The following GIT2 variants were observed in gnomAD, a reference collection of about 807,000 sequenced individuals.
GIT2 encodes ARF GTPase-activating protein GIT2.
A neutral mutation model predicts 100.3 loss-of-function variants in GIT2; 32 were observed. The observed-to-expected ratio is 0.32, with a 90% CI of 0.24 to 0.43. The LOEUF is 0.43. Among genes scored for constraint, GIT2 ranks in the 20% least tolerant of loss-of-function variants. GIT2 has a pLI of 1.00. For missense variants in GIT2, 737 were observed against 975.1 expected (o/e 0.76, Z 3.25); for synonymous variants, 353 against 364.1 (o/e 0.97, Z 0.35).
At chr12:109,935,442 G>A (rs1376931223) in intron 18 of GIT2, among the ~76,000 whole-genome samples, 1 of 152,194 alleles carries the variant, frequency 6.6e-6, no homozygotes, top group Non-Finnish European at 1.5e-5. Context: ...CTGGAGTGCA[G>A]TGGTGCAATC....
intron 14 of GIT2, chr12:109,950,931 GGGCACAAATGCTTAAATAGAT>G (rs1877668224): frequency 2.0e-6 from 1 of 509,272 alleles, no homozygotes; most frequent in African/African-American, 1.9e-5. Flanking sequence ...TTATTCTAAT[GGGCACAAATGCTTAAATAGAT>G]GTTAGGTTTC....
At position 109,931,146 on chromosome 12, in the gene GIT2, G is replaced by C. The variant is rs920989377; in HGVS notation, c.*1832C>G. 6.6e-6 allele frequency: 1 copy of C among 152,254 alleles called. No homozygotes were observed. The highest frequency in any genetic ancestry group is 1.5e-5 in the Non-Finnish European group (1 of 68,056). 9.4% of individuals were successfully genotyped at this position (152,254 alleles called of 1,614,324 possible). A position where few individuals can be genotyped will look rare whatever the true frequency, so the allele number is the denominator to read the frequency against. On this transcript the variant is annotated 3_prime_UTR_variant, in exon 20 of 20. Transcript: ENST00000355312. Reference sequence around the variant, plus strand: ...TGGTCAAGCTATAAAGGTGTGCATCGATCAGTCCTGTGAAAATAGAAGCTT... The same window carrying C: ...TGGTCAAGCTATAAAGGTGTGCATCCATCAGTCCTGTGAAAATAGAAGCTT...
rs1289318385 is a variant in GIT2 at position 109,934,669 on chromosome 12, G to A, written c.2004-584C>T. Among the ~76,000 whole-genome samples the A allele has an allele frequency of 3.3e-5, 5 of 152,136 alleles. No homozygotes were observed. Among genetic ancestry groups the A allele is most frequent in the African/African-American group, 4.8e-5 (2 of 41,420 alleles). ...TGCTGGGGTTACAGGTGTGAGCCACGGTGTCCAGCCCTTTCCCCATTTTTT... is the reference window on the plus strand; with the variant it reads ...TGCTGGGGTTACAGGTGTGAGCCACAGTGTCCAGCCCTTTCCCCATTTTTT... On this transcript the variant is annotated intron_variant, in intron 18 of 19. Coordinates refer to ENST00000355312, the MANE Select transcript of GIT2 (RefSeq NM_057169.5). This position sits in a 1 kb window ranked among gnomAD's most constrained non-coding sequence, Gnocchi z 4.5.
At chr12:109,980,336 T>C (rs1886062755) in intron 7 of GIT2, among the ~76,000 whole-genome samples, 1 of 152,236 alleles carries the variant, frequency 6.6e-6, no homozygotes, top group South Asian at 2.1e-4. Flanking sequence ...CCCAAAGTGC[T>C]AGGATTACAG....
At chr12:109,967,262 A>T in intron 8 of GIT2, 196 bp downstream of exon 8, 1 of 1,388,536 alleles carries the variant, frequency 7.2e-7, no homozygotes, top group South Asian at 1.3e-5. Flanking sequence ...CTATTAGTAA[A>T]ATTGCTACTT....
chr12:109,985,451 C>T (rs960686878), intron 4 of GIT2, among the ~76,000 whole-genome samples: 3 of 152,190 alleles, frequency 2.0e-5, no homozygotes, highest in Non-Finnish European at 4.4e-5. Context: ...TGTGGTGGCT[C>T]ACGCCTGTAA....
chr12:109,935,846 A>T (rs962915226), intron 18 of GIT2, among the ~76,000 whole-genome samples: 2 of 152,248 alleles, frequency 1.3e-5, no homozygotes, highest in African/African-American at 2.4e-5. Flanking sequence ...CCTCCACACG[A>T]TAGAAAAGCG....
chr12:109,967,399 A>G, intron 8 of GIT2, 59 bp downstream of exon 8: 1 of 1,510,176 alleles, frequency 6.6e-7, no homozygotes, highest in South Asian at 1.1e-5. Flanking sequence ...ACTTAAACAT[A>G]ATACAACCAA....
chr12:109,960,833 T>G (rs4766647), intron 11 of GIT2, among the ~76,000 whole-genome samples: 51 of 152,374 alleles, frequency 3.3e-4, no homozygotes, highest in Admixed American at 2.7e-3. Flanking sequence ...AAGGATGTAC[T>G]TAATTTTGAG....
chr12:109,960,448 C>T (rs774110041), intron 11 of GIT2, among the ~76,000 whole-genome samples: 4 of 152,124 alleles, frequency 2.6e-5, no homozygotes, highest in Admixed American at 2.0e-4. Context: ...GGCATGGTGG[C>T]GGGTGCCTGT....
At chr12:109,995,970 A>G in intron 1 of GIT2, 1 of 473,430 alleles carries the variant, frequency 2.1e-6, no homozygotes, top group Non-Finnish European at 3.8e-6. Context: ...GAGGGAAGGG[A>G]GGGCCGCGAG....
In GIT2 at chr12:109,947,730, T is replaced by C. The variant is rs1876730360; in HGVS notation, c.1393-226A>G. ...CAAATTAAATAGCTTCATTTCTGAA[T>C]GTGGAAAAGTTGTGGTTTGGACTTC... On this transcript the variant is annotated intron_variant, in intron 14 of 19. Coordinates refer to ENST00000355312, the MANE Select transcript of GIT2 (RefSeq NM_057169.5). The surrounding 1 kb of genome is among the most constrained non-coding windows in gnomAD (Gnocchi z 4.3). 5 of 517,632 alleles carry C rather than the reference T, an allele frequency of 9.7e-6. No individual in the cohort carries two copies. The highest frequency in any genetic ancestry group is 1.7e-5 in the Non-Finnish European group (5 of 291,140). The allele number at this position is 517,632 out of a possible 1,614,324, so 32.1% of individuals were successfully genotyped here. A position where few individuals can be genotyped will look rare whatever the true frequency, so the allele number is the denominator to read the frequency against.
chr12:109,954,619 C>G (rs966220389), intron 12 of GIT2: 1 of 152,204 alleles, frequency 6.6e-6, no homozygotes, highest in East Asian at 1.9e-4. Flanking sequence ...TAGGTCCTAG[C>G]TGGGCGCAGG....
At chr12:109,954,683 G>C (rs932673973) in intron 12 of GIT2, 2 of 152,218 alleles carry the variant, frequency 1.3e-5, no homozygotes, top group African/African-American at 4.8e-5. Context: ...TGGATCACTT[G>C]AGGTCACGAG....
At chr12:109,996,741 T>A (rs996311516), upstream of GIT2, among the ~76,000 whole-genome samples, 27 of 152,248 alleles carry the variant, frequency 1.8e-4, no homozygotes, top group Non-Finnish European at 3.1e-4. Flanking sequence ...CTAGTCCTTA[T>A]GAAGCTTGCA....
chr12:109,959,441 T>C (rs1880467381), intron 12 of GIT2, among the ~76,000 whole-genome samples: 1 of 152,152 alleles, frequency 6.6e-6, no homozygotes, highest in African/African-American at 2.4e-5. Flanking sequence ...GGATGCAATT[T>C]TACAGGGTAG....
At chr12:109,978,195 G>A (rs1885548240) in intron 7 of GIT2, among the ~76,000 whole-genome samples, 1 of 148,362 alleles carries the variant, frequency 6.7e-6, no homozygotes, top group Non-Finnish European at 1.5e-5. Context: ...TGATTCTTGT[G>A]CCTCAGCTAC....
chr12:109,933,883 G>T lies in GIT2; in HGVS notation c.2067+139C>A. 2 of 660,400 alleles carry T rather than the reference G, an allele frequency of 3.0e-6. No homozygotes were observed. The highest frequency in any genetic ancestry group is 1.8e-5 in the African/African-American group (1 of 55,948). The allele number at this position is 660,400 out of a possible 1,614,324, so 40.9% of individuals were successfully genotyped here. On this transcript the variant is annotated intron_variant, in intron 19 of 19. Transcript: ENST00000355312. This position sits in a 1 kb window ranked among gnomAD's most constrained non-coding sequence, Gnocchi z 4.5. ...CCCAAAGTGCTGGGGTTACAGGCGT[G>T]AGCCACCACACCCGGCCTCGACTGC... is the stretch of plus-strand genomic sequence containing the variant.
chr12:109,959,934 T>C lies in GIT2; in HGVS notation c.1012A>G (p.Asn338Asp). The C allele has an allele frequency of 1.2e-6, 2 of 1,613,442 alleles. No homozygotes were observed. Among genetic ancestry groups the C allele is most frequent in the Non-Finnish European group, 1.7e-6 (2 of 1,179,362 alleles). ...ACCAGCGTGGCAAACTCATGGGCGT[T>C]GAACCGAGCTAACTTCTGTCTGCCC... ...NQGRQKLARF[N>D]AHEFATLVID... is the part of the protein sequence containing the mutation. Residue 338 changes from asparagine to aspartate, a missense_variant, in exon 12 of 20, where the codon AAC becomes GAC. Coordinates refer to ENST00000355312, the MANE Select transcript of GIT2 (RefSeq NM_057169.5).
Sources: gnomAD v4.1 joint callset for allele counts (sites outside exome capture counted in the v4.1 genomes callset) on GRCh38, gnomAD v4.1.1 for gene constraint, Gnocchi (gnomAD v3.1) non-coding constraint, MANE v1.5 for transcripts, NCBI Gene and HGNC (gene_info 2026-07-23, HGNC 2026-07-21) for gene names.